The following PLEKHA7 variants were observed in gnomAD, a reference collection of about 807,000 sequenced individuals.
The protein encoded by PLEKHA7 is pleckstrin homology domain-containing family A member 7.
A neutral mutation model predicts 170.0 loss-of-function variants in PLEKHA7; 104 were observed. That is an observed-to-expected ratio of 0.61 (90% CI 0.52 to 0.72). PLEKHA7 has a LOEUF of 0.72. PLEKHA7 is among the 30% of genes least tolerant of loss of function. PLEKHA7 has a pLI of 0.00. For missense variants in PLEKHA7, 1,615 were observed against 1,671.7 expected, an observed-to-expected ratio of 0.97 and a Z score of 0.59; for synonymous variants, 648 against 660.8, an observed-to-expected ratio of 0.98 and a Z score of 0.30.
chr11:16,908,899 G>C (rs72865706), intron 3 of PLEKHA7, among the ~76,000 whole-genome samples: 13,265 of 152,244 alleles, frequency 0.087, 799 homozygotes, highest in Non-Finnish European at 0.13. Flanking sequence ...AATTTGGCTG[G>C]AGAAGAGGAG....
At chr11:16,946,448 G>C (rs891231596) in intron 3 of PLEKHA7, among the ~76,000 whole-genome samples, 1 of 152,176 alleles carries the variant, frequency 6.6e-6, no homozygotes, top group African/African-American at 2.4e-5. Flanking sequence ...GGAGGGGAGG[G>C]GGGGACTTTG....
At chr11:16,862,505 T>TA (rs1296784180) in intron 4 of PLEKHA7, among the ~76,000 whole-genome samples, 1 of 152,038 alleles carries the variant, frequency 6.6e-6, no homozygotes, top group Non-Finnish European at 1.5e-5. Context: ...TAGCAGGAGG[T>TA]AAAAGAAGAG....
intron 3 of PLEKHA7, among the ~76,000 whole-genome samples, chr11:16,913,294 A>G (rs1858389217): frequency 6.6e-6 from 1 of 152,052 alleles, no homozygotes; most frequent in Non-Finnish European, 1.5e-5. Flanking sequence ...TCCAGAGGAG[A>G]GTGCCACTCT....
chr11:16,902,406 G>C (rs1857399371), intron 3 of PLEKHA7, among the ~76,000 whole-genome samples: 1 of 152,188 alleles, frequency 6.6e-6, no homozygotes, highest in East Asian at 1.9e-4. Context: ...TTAACCTTTT[G>C]AGAACGTGCA....
At chr11:16,899,364 G>C (rs1351968632) in intron 3 of PLEKHA7, among the ~76,000 whole-genome samples, 1 of 152,302 alleles carries the variant, frequency 6.6e-6, no homozygotes, top group East Asian at 1.9e-4. Flanking sequence ...GGGCGTGGTG[G>C]CACATGCTTG....
intron 3 of PLEKHA7, among the ~76,000 whole-genome samples, chr11:16,897,277 G>A (rs960390937): frequency 2.6e-5 from 4 of 152,202 alleles, no homozygotes; most frequent in African/African-American, 9.6e-5. Flanking sequence ...AAAGGCTACA[G>A]AACAGACATC....
At position 16,782,766 on chromosome 11, in the gene PLEKHA7, T is replaced by G. The variant is rs1308846684; in HGVS notation, c.3781A>C (p.Lys1261Gln). 5.2e-6 allele frequency: 8 copies of G among 1,536,122 alleles called. No individual in the cohort carries two copies. Among genetic ancestry groups the G allele is most frequent in the Non-Finnish European group, 7.0e-6 (8 of 1,146,890 alleles). The stretch of plus-strand genomic sequence containing the variant: ...GCCATGGCCTTACCTGCCACCTGCT[T>G]GCTACGCTGGGAGGCCTCGGAGGCC... The part of the protein sequence containing the change: ...ALASEASQRS[K>Q]QVAAQAVTDP Residue 1261 changes from lysine to glutamine, a missense_variant, in exon 26 of 27, where the codon AAG becomes CAG. Physicochemically the swap from Lys to Gln is moderately conservative, Grantham distance 53. Transcript: ENST00000531066.
At chr11:16,831,536 C>T (rs1590258833) in intron 9 of PLEKHA7, among the ~76,000 whole-genome samples, 1 of 152,236 alleles carries the variant, frequency 6.6e-6, no homozygotes, top group Non-Finnish European at 1.5e-5. Flanking sequence ...CAGGTCATTG[C>T]TACGATCGTG....
In PLEKHA7 at chr11:16,816,890, C is replaced by T. The variant is rs1849799046; in HGVS notation, c.1776G>A (p.Glu592=). The stretch of plus-strand genomic sequence containing the variant: ...GGTCCGGTGGCTTCACTGTGACTCG[C>T]TCTGCTGGTGTGTGTGGCCGCCGGG... ...FPPRRPHTPA[E]RVTVKPPDQR... Residue 592 remains glutamate (E), a synonymous_variant, in exon 11 of 27, where the codon GAG becomes GAA. Coordinates refer to ENST00000531066, the MANE Select transcript of PLEKHA7 (RefSeq NM_001329630.2). The T allele has an allele frequency of 3.7e-6, 6 of 1,614,126 alleles. No homozygotes were observed. Among genetic ancestry groups the T allele is most frequent in the African/African-American group, 1.3e-5 (1 of 75,040 alleles).
chr11:16,981,333 T>A (rs1023509820), intron 3 of PLEKHA7, among the ~76,000 whole-genome samples: 2 of 152,128 alleles, frequency 1.3e-5, no homozygotes, highest in African/African-American at 4.8e-5. Flanking sequence ...AATTTACACA[T>A]AAGAAAACTG....
chr11:16,871,341 C>A (rs777677994), intron 3 of PLEKHA7, among the ~76,000 whole-genome samples, 159 bp from the exon 4 acceptor site: 1 of 152,058 alleles, frequency 6.6e-6, no homozygotes, highest in South Asian at 2.1e-4. Flanking sequence ...CTGTCAGAAC[C>A]CCGCCACACT....
chr11:16,876,417 T>C (rs1231497605), intron 3 of PLEKHA7, among the ~76,000 whole-genome samples: 1 of 152,100 alleles, frequency 6.6e-6, no homozygotes, highest in Non-Finnish European at 1.5e-5. Flanking sequence ...GCCTCCATTT[T>C]CAAATCCCGC....
intron 13 of PLEKHA7, among the ~76,000 whole-genome samples, chr11:16,806,622 C>A (rs893521201): frequency 6.6e-6 from 1 of 152,214 alleles, no homozygotes; most frequent in Non-Finnish European, 1.5e-5. Context: ...ACATTGCAGT[C>A]CCTACTTCTG....
In PLEKHA7 at chr11:16,852,329, T is replaced by C. The variant is rs1853041188; in HGVS notation, c.549A>G (p.Lys183=). 1.9e-6 allele frequency: 3 copies of C among 1,613,942 alleles called. No homozygotes were observed. The highest frequency in any genetic ancestry group is 2.7e-5 in the African/African-American group (2 of 74,908). ...AATCAGCAAGCACAAACCACCTCCT[T>C]TTCCACAGCCTCATCCCAGAACTGT... ...KQDSSGMRLW[K]RRWFVLADYC... The change falls in exon 7 of 27, where the codon AAA becomes AAG. Residue 183 remains lysine (K), a synonymous_variant. Transcript: ENST00000531066.
chr11:16,859,584 G>C (rs1853768479), intron 4 of PLEKHA7, among the ~76,000 whole-genome samples: 1 of 152,206 alleles, frequency 6.6e-6, no homozygotes, highest in Non-Finnish European at 1.5e-5. Flanking sequence ...CCTTCACTTG[G>C]ATGAGGACAT....
At chr11:16,843,923 T>C (rs906432534) in intron 8 of PLEKHA7, among the ~76,000 whole-genome samples, 1 of 152,124 alleles carries the variant, frequency 6.6e-6, no homozygotes, top group Non-Finnish European at 1.5e-5. Flanking sequence ...GGTGACAGTG[T>C]GAGACTCTGC....
At chr11:16,820,064 G>A (rs1345316307) in intron 10 of PLEKHA7, among the ~76,000 whole-genome samples, 1 of 152,096 alleles carries the variant, frequency 6.6e-6, no homozygotes, top group Admixed American at 6.5e-5. Context: ...TATAATTATT[G>A]TCAATTAAAA....
chr11:17,005,751 G>A (rs34819854), intron 3 of PLEKHA7, among the ~76,000 whole-genome samples: 48,351 of 152,100 alleles, frequency 0.32, 8,231 homozygotes, highest in Middle Eastern at 0.42. Flanking sequence ...TGGAGATGTG[G>A]TATAAATCAT....
chr11:16,840,330 G>A (rs1343145420), intron 9 of PLEKHA7, among the ~76,000 whole-genome samples: 3 of 152,142 alleles, frequency 2.0e-5, no homozygotes, highest in Non-Finnish European at 2.9e-5. Flanking sequence ...GGAGACCAAG[G>A]TGGGTGGATC....
Sources: gnomAD v4.1 joint callset for allele counts (sites outside exome capture counted in the v4.1 genomes callset) on GRCh38, gnomAD v4.1.1 for gene constraint, MANE v1.5 for transcripts, NCBI Gene and HGNC (gene_info 2026-07-23, HGNC 2026-07-21) for gene names.